The following ZNF385D variants were observed in gnomAD, a reference collection of about 807,000 sequenced individuals.
ZNF385D encodes the protein zinc finger protein 659.
In ZNF385D, 15 loss-of-function variants were observed where a neutral mutation model predicts 35.8. The ratio of observed to expected loss-of-function variants is 0.42; its 90% confidence interval spans 0.28 to 0.64. The LOEUF (loss-of-function observed/expected upper bound fraction) is 0.64. ZNF385D is among the 30% of genes least tolerant of loss of function. The pLI is 0.23. For synonymous variants in ZNF385D, 212 were observed against 186.8 expected, an observed-to-expected ratio of 1.13 and a Z score of -1.10; for missense variants, 474 against 494.6, an observed-to-expected ratio of 0.96 and a Z score of 0.39.
intron 2 of ZNF385D, among the ~76,000 whole-genome samples, chr3:22,219,512 C>A (rs1698120769): frequency 2.0e-5 from 3 of 152,086 alleles, no homozygotes; most frequent in Admixed American, 2.0e-4. Flanking sequence ...GCTGTTTTAT[C>A]TTTTAAGAGA....
chr3:21,684,833 A>T (rs2067053380), intron 1 of ZNF385D, among the ~76,000 whole-genome samples: 1 of 152,198 alleles, frequency 6.6e-6, no homozygotes, highest in African/African-American at 2.4e-5. Context: ...CTTGGAAAAA[A>T]ATTAACGATT....
intron 3 of ZNF385D, among the ~76,000 whole-genome samples, chr3:21,888,085 C>G (rs930718283): frequency 4.6e-5 from 7 of 152,074 alleles, no homozygotes; most frequent in East Asian, 1.9e-4. Context: ...TTGCTCCCCC[C>G]CTTTTTTGGA....
Position 21,480,287 on chromosome 3 carries a change from G to C in ZNF385D, c.439+30574C>G, listed in dbSNP as rs760793857. Among the ~76,000 whole-genome samples the C allele has an allele frequency of 9.9e-5, 15 of 152,032 alleles. 1 individual carries two copies. Among genetic ancestry groups the C allele is most frequent in the Admixed American group, 5.2e-4 (8 of 15,244 alleles). ...CCAGCTAATTTTTGTATTTTTAGTAGATACAGGGTTTCACCATGTTGATCA... is the reference window on the plus strand; with the variant it reads ...CCAGCTAATTTTTGTATTTTTAGTACATACAGGGTTTCACCATGTTGATCA... On this transcript the variant is annotated intron_variant, in intron 4 of 7. Transcript: ENST00000281523.
chr3:21,757,525 G>A (rs1003103923), intron 3 of ZNF385D, among the ~76,000 whole-genome samples: 11 of 152,200 alleles, frequency 7.2e-5, no homozygotes, highest in Middle Eastern at 6.8e-3. Flanking sequence ...CCAGCATTGA[G>A]AGCCAGAAAT....
intron 2 of ZNF385D, among the ~76,000 whole-genome samples, chr3:22,207,624 A>T (rs1396418632): frequency 6.6e-6 from 1 of 152,036 alleles, no homozygotes; most frequent in Non-Finnish European, 1.5e-5. Context: ...TCTGCACAGC[A>T]AATGAAACAA....
chr3:22,179,239 T>C (rs1695050289), intron 2 of ZNF385D, among the ~76,000 whole-genome samples: 1 of 152,186 alleles, frequency 6.6e-6, no homozygotes, highest in Non-Finnish European at 1.5e-5. Flanking sequence ...CTTCCATTTG[T>C]TTGTATCCTC....
At chr3:21,964,863 T>C (rs147596404) in intron 3 of ZNF385D, among the ~76,000 whole-genome samples, 5 of 152,160 alleles carry the variant, frequency 3.3e-5, no homozygotes, top group Non-Finnish European at 7.3e-5. Context: ...ATTCTTATTA[T>C]AAATATATTT....
intron 3 of ZNF385D, among the ~76,000 whole-genome samples, chr3:22,037,833 T>A (rs1157525131): frequency 1.3e-5 from 2 of 152,178 alleles, no homozygotes; most frequent in Non-Finnish European, 2.9e-5. Flanking sequence ...AGGGTTTTTA[T>A]GGTTTTAGGT....
intron 2 of ZNF385D, among the ~76,000 whole-genome samples, chr3:21,575,621 G>C (rs2063475004): frequency 1.3e-5 from 2 of 152,018 alleles, no homozygotes; most frequent in African/African-American, 4.8e-5. Flanking sequence ...TATTTTCCCA[G>C]CTTTCAGGAC....
At chr3:21,976,761 G>A (rs915066957) in intron 3 of ZNF385D, among the ~76,000 whole-genome samples, 1 of 152,182 alleles carries the variant, frequency 6.6e-6, no homozygotes, top group African/African-American at 2.4e-5. Flanking sequence ...GGGAAGCCAA[G>A]GCATGCAGAT....
At position 21,988,112 on chromosome 3, in the gene ZNF385D, G is replaced by A. The variant is rs1201687543; in HGVS notation, c.325+180705C>T. The stretch of plus-strand genomic sequence containing the variant: ...TTTTCAACTTCTTTGCCTTTGGTTT[G>A]AATGTCCTCCCGTAGCTCAGAGTCA... On this transcript the variant is annotated intron_variant, in intron 3 of 5. Transcript: ENST00000494108. 1.3e-4 allele frequency among the ~76,000 whole-genome samples: 17 copies of A among 127,446 alleles called. 1 individual carries two copies. The highest frequency in any genetic ancestry group is 9.5e-4 in the Admixed American group (13 of 13,674). 83.6% of individuals were successfully genotyped at this position (127,446 alleles called of 152,430 possible).
chr3:22,187,511 T>C (rs1695717383), intron 2 of ZNF385D, among the ~76,000 whole-genome samples: 7 of 152,048 alleles, frequency 4.6e-5, no homozygotes, highest in Admixed American at 3.9e-4. Context: ...CACAAAGACA[T>C]ATATGTACTT....
intron 2 of ZNF385D, among the ~76,000 whole-genome samples, chr3:22,355,566 G>C (rs2125503205): frequency 6.6e-6 from 1 of 152,018 alleles, no homozygotes; most frequent in South Asian, 2.1e-4. Flanking sequence ...TCAGCTCCAT[G>C]ATGACTTAAA....
intron 3 of ZNF385D, among the ~76,000 whole-genome samples, chr3:22,039,065 T>C (rs1332512785): frequency 2.0e-5 from 3 of 151,744 alleles, no homozygotes; most frequent in Non-Finnish European, 1.5e-5. Context: ...TATGTAATGT[T>C]AGCAAAATAA....
intron 3 of ZNF385D, among the ~76,000 whole-genome samples, chr3:22,153,555 C>T (rs1233945926): frequency 1.3e-5 from 2 of 150,848 alleles, no homozygotes; most frequent in Non-Finnish European, 2.9e-5. Context: ...ACTCCCCCTC[C>T]TGGGTCCAAG....
intron 2 of ZNF385D, among the ~76,000 whole-genome samples, chr3:22,346,700 T>A (rs1695673431): frequency 6.6e-6 from 1 of 152,174 alleles, no homozygotes. Flanking sequence ...AGTGCTATTT[T>A]ATATATTCTT....
intron 3 of ZNF385D, among the ~76,000 whole-genome samples, chr3:21,987,870 T>C (rs1694902457): frequency 7.2e-6 from 1 of 138,644 alleles, no homozygotes; most frequent in Non-Finnish European, 1.6e-5. Flanking sequence ...GCTCATTTCT[T>C]TTTATTCTTT....
intron 4 of ZNF385D, among the ~76,000 whole-genome samples, chr3:21,487,132 C>T (rs1041078910): frequency 3.9e-5 from 6 of 152,092 alleles, no homozygotes; most frequent in African/African-American, 1.4e-4. Flanking sequence ...TAGAATAAGG[C>T]TTTTCATTCC....
At chr3:21,976,471 C>T (rs190103858) in intron 3 of ZNF385D, among the ~76,000 whole-genome samples, 181 of 151,898 alleles carry the variant, frequency 1.2e-3, no homozygotes, top group Non-Finnish European at 2.1e-3. Context: ...GATAGAGGGA[C>T]GCAGCTGAAG....
Sources: gnomAD v4.1 joint callset for allele counts (sites outside exome capture counted in the v4.1 genomes callset) on GRCh38, gnomAD v4.1.1 for gene constraint, MANE v1.5 for transcripts, NCBI Gene and HGNC (gene_info 2026-07-23, HGNC 2026-07-21) for gene names.